CACNA2D3: variants seen among roughly 807,000 people sequenced by gnomAD.
CACNA2D3 encodes calcium voltage-gated channel auxiliary subunit alpha2delta 3, also known as voltage-dependent calcium channel subunit alpha-2/delta-3.
In CACNA2D3, 60 loss-of-function variants were observed where a neutral mutation model predicts 160.6. The observed-to-expected ratio is 0.37, with a 90% confidence interval of 0.30 to 0.46. The LOEUF (loss-of-function observed/expected upper bound fraction) is 0.46. Ranked by LOEUF, CACNA2D3 falls within the 20% of genes least tolerant of loss-of-function variation. The pLI, the probability that CACNA2D3 is intolerant of heterozygous loss-of-function variation, is 1.00. For synonymous variants in CACNA2D3, 558 were observed against 492.9 expected (o/e 1.13, Z -1.75); for missense variants, 1,205 against 1,365.0 (o/e 0.88, Z 1.85).
chr3:54,970,675 C>G (rs546028998), intron 29 of CACNA2D3, among the ~76,000 whole-genome samples: 6 of 143,204 alleles, frequency 4.2e-5, no homozygotes, highest in Non-Finnish European at 9.1e-5. Context: ...GATTTTAATC[C>G]TACACATGCG....
chr3:54,713,483 T>C lies in CACNA2D3; in HGVS notation c.1168-39116T>C, dbSNP rs888989729. Among the ~76,000 whole-genome samples the C allele has an allele frequency of 2.6e-5, 4 of 152,328 alleles. No individual in the cohort carries two copies. In the South Asian group the frequency reaches 8.3e-4, roughly 32 times the overall value. On this transcript the variant is annotated intron_variant, in intron 11 of 37. Coordinates refer to ENST00000474759, the MANE Select transcript of CACNA2D3 (RefSeq NM_018398.3). ...CTTCCCTGGATCACGTTGTATAGCCTGTGTAAGAGAAGGAGTGCTGTATGT... is the reference window on the plus strand; with the variant it reads ...CTTCCCTGGATCACGTTGTATAGCCCGTGTAAGAGAAGGAGTGCTGTATGT...
chr3:54,345,713 C>T (rs1334109185), intron 3 of CACNA2D3, among the ~76,000 whole-genome samples: 2 of 152,190 alleles, frequency 1.3e-5, no homozygotes, highest in Admixed American at 1.3e-4. Flanking sequence ...CCTTCTGTCA[C>T]TCCCCAAAGC....
chr3:54,627,539 T>G (rs1234037525), intron 9 of CACNA2D3, among the ~76,000 whole-genome samples: 1 of 152,186 alleles, frequency 6.6e-6, no homozygotes, highest in African/African-American at 2.4e-5. Context: ...TTTAGATGAA[T>G]TAAATGCTTT....
At chr3:54,814,011 A>G (rs1001769678) in intron 13 of CACNA2D3, among the ~76,000 whole-genome samples, 7 of 151,730 alleles carry the variant, frequency 4.6e-5, no homozygotes, top group African/African-American at 1.2e-4. Context: ...GACTACAGCC[A>G]TGTGCCACCA....
chr3:54,915,996 A>G (rs928912365), intron 27 of CACNA2D3, among the ~76,000 whole-genome samples: 1 of 152,210 alleles, frequency 6.6e-6, no homozygotes, highest in Non-Finnish European at 1.5e-5. Context: ...AAACTCCCTC[A>G]TGTAATCTCT....
chr3:54,254,036 A>C (rs1702247244), intron 2 of CACNA2D3, among the ~76,000 whole-genome samples: 1 of 152,080 alleles, frequency 6.6e-6, no homozygotes, highest in South Asian at 2.1e-4. Context: ...AAGTGCTGGG[A>C]TTATAGGTGT....
At chr3:54,726,577 T>C (rs1199969004) in intron 11 of CACNA2D3, among the ~76,000 whole-genome samples, 1 of 152,200 alleles carries the variant, frequency 6.6e-6, no homozygotes, top group East Asian at 1.9e-4. Context: ...TATAGACCAA[T>C]GGAGCAGAAC....
At chr3:54,674,597 A>G (rs1429432683) in intron 11 of CACNA2D3, among the ~76,000 whole-genome samples, 1 of 152,134 alleles carries the variant, frequency 6.6e-6, no homozygotes, top group East Asian at 1.9e-4. Context: ...GGAAGTAGAA[A>G]GTTGGGTTTA....
chr3:54,218,482 C>T (rs910307847), intron 2 of CACNA2D3, among the ~76,000 whole-genome samples: 9 of 152,188 alleles, frequency 5.9e-5, no homozygotes, highest in Admixed American at 2.0e-4. Context: ...TCCAATTTGA[C>T]CCTAGGGTGA....
At chr3:54,551,956 T>G (rs112796816) in intron 5 of CACNA2D3, among the ~76,000 whole-genome samples, 17 of 152,372 alleles carry the variant, frequency 1.1e-4, no homozygotes, top group African/African-American at 4.1e-4. Context: ...GTATCATGTA[T>G]CAAAAGAGGT....
At chr3:54,877,882 C>A (rs778463077) in intron 18 of CACNA2D3, among the ~76,000 whole-genome samples, 1 of 152,044 alleles carries the variant, frequency 6.6e-6, no homozygotes, top group Non-Finnish European at 1.5e-5. Context: ...TAAATCGAGC[C>A]GTTCTTAAAA....
At chr3:54,597,935 A>T (rs1024737889) in intron 9 of CACNA2D3, among the ~76,000 whole-genome samples, 5 of 152,062 alleles carry the variant, frequency 3.3e-5, no homozygotes, top group Non-Finnish European at 7.3e-5. Flanking sequence ...AGCCGTGGGC[A>T]CTGGTTGTGT....
Position 54,862,485 on chromosome 3 carries a change from A to C in CACNA2D3, c.1627-9054A>C, listed in dbSNP as rs561550583. ...ATGCTATTACAGGCATAAATCAGGT[A>C]ATGGCAGTTGGCTTGGAAGAAAGAA... On this transcript the variant is annotated intron_variant, in intron 17 of 37. Transcript: ENST00000474759. Among the ~76,000 whole-genome samples the C allele has an allele frequency of 5.3e-5, 8 of 152,352 alleles. 1 individual carries two copies. In the South Asian group the frequency reaches 1.7e-3, roughly 32 times the overall value.
At chr3:54,459,516 T>G (rs1257322074) in intron 4 of CACNA2D3, among the ~76,000 whole-genome samples, 2 of 152,010 alleles carry the variant, frequency 1.3e-5, no homozygotes, top group Non-Finnish European at 2.9e-5. Context: ...ATTTCTCTGA[T>G]GGCCAGTGAT....
At chr3:54,807,467 C>G (rs1209479512) in intron 13 of CACNA2D3, among the ~76,000 whole-genome samples, 5 of 152,222 alleles carry the variant, frequency 3.3e-5, no homozygotes, top group African/African-American at 4.8e-5. Context: ...CTCACCATCA[C>G]TGGCCATCAG....
chr3:54,995,547 ATCTGCAATTCAG>A (rs1559458333), intron 31 of CACNA2D3, among the ~76,000 whole-genome samples: 1 of 152,228 alleles, frequency 6.6e-6, no homozygotes, highest in Non-Finnish European at 1.5e-5. Flanking sequence ...CAGCCATCAT[ATCTGCAATTCAG>A]GCTTGCAAAA....
intron 27 of CACNA2D3, among the ~76,000 whole-genome samples, chr3:54,939,859 C>T (rs542271357): frequency 2.0e-5 from 3 of 152,178 alleles, no homozygotes; most frequent in Non-Finnish European, 4.4e-5. Context: ...GAACAAAAGC[C>T]GCTGGCCATG....
At chr3:54,462,150 T>C (rs1460320101) in intron 4 of CACNA2D3, among the ~76,000 whole-genome samples, 1 of 151,472 alleles carries the variant, frequency 6.6e-6, no homozygotes, top group East Asian at 1.9e-4. Flanking sequence ...GACAGCTTGT[T>C]ATAATTTCTG....
At chr3:55,016,474 G>A (rs1239021566) in intron 34 of CACNA2D3, among the ~76,000 whole-genome samples, 1 of 152,194 alleles carries the variant, frequency 6.6e-6, no homozygotes, top group East Asian at 1.9e-4. Flanking sequence ...TTCACTGCCT[G>A]GAATTGGTGC....
Sources: gnomAD v4.1 joint callset for allele counts (sites outside exome capture counted in the v4.1 genomes callset) on GRCh38, gnomAD v4.1.1 for gene constraint, MANE v1.5 for transcripts, NCBI Gene and HGNC (gene_info 2026-07-23, HGNC 2026-07-21) for gene names.